CSMD1: variants seen among roughly 807,000 people sequenced by gnomAD.
CSMD1 encodes CUB and sushi domain-containing protein 1.
CSMD1 carries 213 observed loss-of-function variants against 417.5 expected under a neutral mutation model. The ratio of observed to expected loss-of-function variants is 0.51; its 90% CI spans 0.46 to 0.57. CSMD1 has a LOEUF of 0.57. Ranked by LOEUF, CSMD1 falls within the 20% of genes least tolerant of loss-of-function variation. CSMD1 has a pLI of 0.00. For missense variants in CSMD1, 6,923 were observed against 4,529.7 expected, an observed-to-expected ratio of 1.53 and a Z score of -15.17; for synonymous variants, 2,862 against 1,736.8, an observed-to-expected ratio of 1.65 and a Z score of -16.11.
chr8:4,078,062 T>A (rs1163768608), intron 3 of CSMD1, among the ~76,000 whole-genome samples: 1 of 152,128 alleles, frequency 6.6e-6, no homozygotes, highest in Admixed American at 6.5e-5. Flanking sequence ...GGAAAAAATA[T>A]GTTTGTAAGA....
At chr8:4,329,357 C>A (rs1799737475) in intron 3 of CSMD1, among the ~76,000 whole-genome samples, 1 of 152,094 alleles carries the variant, frequency 6.6e-6, no homozygotes, top group African/African-American at 2.4e-5. Flanking sequence ...GATGCATTCT[C>A]AGCTCACTTT....
intron 3 of CSMD1, among the ~76,000 whole-genome samples, chr8:4,194,924 G>A (rs1584999980): frequency 6.6e-6 from 1 of 151,832 alleles, no homozygotes; most frequent in South Asian, 2.1e-4. Context: ...GGAGATCACA[G>A]TAGAAGAGGT....
chr8:4,012,336 T>G (rs2740947), intron 4 of CSMD1, among the ~76,000 whole-genome samples: 88,447 of 151,964 alleles, frequency 0.58, 26,029 homozygotes, highest in South Asian at 0.67. Flanking sequence ...CCAAGATTCA[T>G]TCTCTTCACC....
intron 5 of CSMD1, among the ~76,000 whole-genome samples, chr8:3,756,345 T>G (rs1584950594): frequency 1.1e-5 from 1 of 95,138 alleles, no homozygotes; most frequent in South Asian, 3.1e-4. Flanking sequence ...ACACTGAGAC[T>G]CCATCTCAAA....
rs573284283 is a variant in CSMD1, at chr8:4,056,330, G to A, written c.416-24231C>T. Among the ~76,000 whole-genome samples, 20 of 151,306 alleles carry A rather than the reference G, an allele frequency of 1.3e-4. 1 individual carries two copies. In the South Asian group the frequency reaches 2.3e-3, roughly 17 times the overall value. Reference sequence around the variant, plus strand: ...ACTCCTGACCTTAGGTGATCCACCCGCGTCAGCCTCCCAAAGTGCTGGGAT... The same window carrying A: ...ACTCCTGACCTTAGGTGATCCACCCACGTCAGCCTCCCAAAGTGCTGGGAT... On this transcript the variant is annotated intron_variant, in intron 3 of 69. Coordinates refer to ENST00000635120, the MANE Select transcript of CSMD1 (RefSeq NM_033225.6).
chr8:4,024,100 T>A (rs958745992), intron 4 of CSMD1, among the ~76,000 whole-genome samples: 1 of 152,066 alleles, frequency 6.6e-6, no homozygotes, highest in Non-Finnish European at 1.5e-5. Flanking sequence ...AATATTCACA[T>A]CTTACTAAAT....
intron 21 of CSMD1, among the ~76,000 whole-genome samples, chr8:3,349,081 C>A (rs7820839): frequency 0.24 from 36,778 of 152,134 alleles, 4,714 homozygotes; most frequent in African/African-American, 0.34. Flanking sequence ...CCCAGCACAC[C>A]GATGTAAACA....
chr8:4,904,354 A>G (rs747143615), intron 1 of CSMD1, among the ~76,000 whole-genome samples: 8 of 152,230 alleles, frequency 5.3e-5, no homozygotes, highest in South Asian at 2.1e-4. Flanking sequence ...TGCCTACAGC[A>G]TGCAAGAAGG....
chr8:3,000,747 C>A (rs1285186027), intron 52 of CSMD1, among the ~76,000 whole-genome samples: 1 of 152,084 alleles, frequency 6.6e-6, no homozygotes, highest in East Asian at 1.9e-4. Context: ...GGACTTGGGA[C>A]AACAGGAGCA....
At chr8:4,359,160 A>C (rs1015377307) in intron 3 of CSMD1, among the ~76,000 whole-genome samples, 2 of 152,166 alleles carry the variant, frequency 1.3e-5, no homozygotes, top group Non-Finnish European at 2.9e-5. Context: ...GGTCACTAAT[A>C]AGTTACTTGG....
Position 4,517,581 on chromosome 8 carries a change from A to C in CSMD1, c.303-97516T>G, listed in dbSNP as rs114021276. 8.8e-3 allele frequency among the ~76,000 whole-genome samples: 1,337 copies of C among 152,370 alleles called. 16 individuals are homozygous for C. Among genetic ancestry groups the C allele is most frequent in the African/African-American group, 0.03 (1,248 of 41,584 alleles). ...TACAGCAGTTTCATTTTACAGAGTT[A>C]ATACCAAATATGTATAATGTATTTA... On this transcript the variant is annotated intron_variant, in intron 2 of 69. Coordinates refer to ENST00000635120, the MANE Select transcript of CSMD1 (RefSeq NM_033225.6).
chr8:4,833,010 C>T (rs559124398), intron 1 of CSMD1, among the ~76,000 whole-genome samples: 4 of 152,102 alleles, frequency 2.6e-5, no homozygotes, highest in East Asian at 1.9e-4. Context: ...ATAAATGGAC[C>T]GACCTTCATC....
intron 5 of CSMD1, among the ~76,000 whole-genome samples, chr8:3,931,801 G>A (rs1420539659): frequency 2.7e-5 from 4 of 148,190 alleles, no homozygotes; most frequent in East Asian, 2.0e-4. Context: ...ATATTAAGTG[G>A]GCAATGGGAC....
chr8:4,534,134 G>T (rs551844663), intron 2 of CSMD1, among the ~76,000 whole-genome samples: 101 of 152,234 alleles, frequency 6.6e-4, no homozygotes, highest in Non-Finnish European at 1.2e-3. Context: ...AATGGCATTT[G>T]TCAGAACTTT....
intron 1 of CSMD1, among the ~76,000 whole-genome samples, chr8:4,854,863 G>C (rs1300902849): frequency 2.6e-5 from 4 of 152,192 alleles, no homozygotes; most frequent in East Asian, 1.9e-4. Flanking sequence ...GCCCAGGCTT[G>C]CTTAGGTAAA....
At chr8:3,113,391 T>C (rs1029114094) in intron 42 of CSMD1, 3 of 152,240 alleles carry the variant, frequency 2.0e-5, no homozygotes, top group Non-Finnish European at 2.9e-5. Context: ...GGAGAGAGCG[T>C]TGCTGGGCAA....
rs547578245 is a variant in CSMD1 at position 4,493,316 on chromosome 8, G to A, written c.303-73251C>T. 1.1e-4 allele frequency among the ~76,000 whole-genome samples: 17 copies of A among 152,162 alleles called. No individual in the cohort carries two copies. The East Asian group carries it at 1.4e-3, about 12-fold the overall frequency. ...ATCCTAAGAGAGAGAGAGTTTGTGC[G>A]TGTGTGTGTATGTTCACTCTTAACT... On this transcript the variant is annotated intron_variant, in intron 2 of 69. Coordinates refer to ENST00000635120, the MANE Select transcript of CSMD1 (RefSeq NM_033225.6).
chr8:3,293,385 T>G (rs140048273), intron 25 of CSMD1, among the ~76,000 whole-genome samples: 2,638 of 152,296 alleles, frequency 0.017, 33 homozygotes, highest in Non-Finnish European at 0.026. Context: ...CTTGCTAGAT[T>G]GGGGAATTTC....
chr8:4,766,379 G>A (rs534211865), intron 1 of CSMD1, among the ~76,000 whole-genome samples: 1 of 152,296 alleles, frequency 6.6e-6, no homozygotes, highest in Admixed American at 6.5e-5. Flanking sequence ...TAGGTTTGTG[G>A]ATTGAACGAG....
Sources: allele counts gnomAD v4.1 joint callset (sites outside exome capture counted in the v4.1 genomes callset), GRCh38; gene constraint gnomAD v4.1.1; transcripts MANE v1.5; gene names NCBI Gene and HGNC (gene_info 2026-07-23, HGNC 2026-07-21).